URGCP: variants seen among roughly 807,000 people sequenced by gnomAD.
URGCP encodes upregulator of cell proliferation, also known as up-regulator of cell proliferation.
Under a neutral mutation model 24.6 loss-of-function variants are expected in URGCP, and 13 were observed. That is an observed-to-expected ratio of 0.53 (90% CI 0.34 to 0.84). The LOEUF is 0.84. Ranked by LOEUF, URGCP falls within the 40% of genes least tolerant of loss-of-function variation. URGCP has a pLI of 0.01. For synonymous variants in URGCP, 444 were observed against 487.2 expected, an observed-to-expected ratio of 0.91 and a Z score of 1.17; for missense variants, 899 against 1,194.3, an observed-to-expected ratio of 0.75 and a Z score of 3.64.
chr7:43,919,038 C>G (rs1463695908), intron 1 of URGCP: 1 of 1,094,066 alleles, frequency 9.1e-7, no homozygotes, highest in African/African-American at 1.5e-5. Flanking sequence ...GGAGAAGATC[C>G]ATGAGGACAT....
intron 1 of URGCP, among the ~76,000 whole-genome samples, chr7:43,922,365 C>A (rs955075018): frequency 1.3e-5 from 2 of 152,120 alleles, no homozygotes; most frequent in African/African-American, 4.8e-5. Flanking sequence ...CTTGGTATCA[C>A]TTAACTTTCT....
At chr7:43,910,186 G>GC (rs1168983186), upstream of URGCP, among the ~76,000 whole-genome samples, 10 of 152,180 alleles carry the variant, frequency 6.6e-5, no homozygotes, top group Middle Eastern at 3.4e-3. Flanking sequence ...ACCAGCCTGG[G>GC]CAACATGGTG....
At chr7:43,895,979 A>G (rs951974755) in intron 1 of URGCP, among the ~76,000 whole-genome samples, 6 of 152,254 alleles carry the variant, frequency 3.9e-5, no homozygotes, top group African/African-American at 1.4e-4. Flanking sequence ...TGTGGTATAC[A>G]TGTATAGGAA....
At position 43,878,084 on chromosome 7, in the gene URGCP, A is replaced by G. The variant is rs1157001915; in HGVS notation, c.1379T>C (p.Leu460Pro). The G allele has an allele frequency of 6.2e-7, 1 of 1,614,060 alleles. No homozygotes were observed. The highest frequency in any genetic ancestry group is 8.5e-7 in the Non-Finnish European group (1 of 1,180,044). Reference protein sequence around the residue: ...DMAHAARKLGLKVDEDCEECQ... With the variant: ...DMAHAARKLGPKVDEDCEECQ... Reference sequence around the variant, plus strand: ...CTCCTCACAGTCCTCGTCGACCTTTAGGCCCAGTTTGCGGGCTGCGTGCGC... The same window carrying G: ...CTCCTCACAGTCCTCGTCGACCTTTGGGCCCAGTTTGCGGGCTGCGTGCGC... Residue 460 changes from leucine to proline, a missense_variant, in exon 6 of 6, where the codon CTA becomes CCA. Transcript: ENST00000453200. The surrounding 1 kb of genome is among the most constrained non-coding windows in gnomAD (Gnocchi z 5.6).
At chr7:43,907,521 T>C (rs1245686901), upstream of URGCP, among the ~76,000 whole-genome samples, 1 of 136,690 alleles carries the variant, frequency 7.3e-6, no homozygotes, top group Non-Finnish European at 1.5e-5. Context: ...AAGTAAAATA[T>C]CATTAACAAC....
In URGCP at chr7:43,919,344, C is replaced by T. The variant is rs2095919348; in HGVS notation, c.-116+6788G>A. On this transcript the variant is annotated intron_variant, in intron 1 of 5. Transcript: ENST00000426198. ...AGCCCTGAACCAGATTGCCACAGAC[C>T]AGATCCTGCACATCCAGAACCCATC... 3.6e-6 allele frequency: 3 copies of T among 843,264 alleles called. No homozygotes were observed. In the African/African-American group the frequency reaches 5.0e-5, roughly 14 times the overall value. The allele number at this position is 843,264 out of a possible 1,614,324, so 52.2% of individuals were successfully genotyped here.
rs536881309 is a variant in URGCP at position 43,912,942 on chromosome 7, C to A, written c.-116+13190G>T. ...CTCAGCTCACTGCAACCTCCACCTC[C>A]CGGGTTCAAGAGATTCTCCTGCCTC... On this transcript the variant is annotated intron_variant, in intron 1 of 5. Transcript: ENST00000426198. Among the ~76,000 whole-genome samples, 19 of 152,238 alleles carry A rather than the reference C, an allele frequency of 1.2e-4. No individual in the cohort carries two copies. In the South Asian group the frequency reaches 3.7e-3, roughly 30 times the overall value.
intron 5 of URGCP, 68 bp from the exon 6 acceptor site, chr7:43,879,328 G>A: frequency 6.6e-7 from 1 of 1,511,400 alleles, no homozygotes; most frequent in Non-Finnish European, 8.8e-7. Flanking sequence ...GGAAGAGCTG[G>A]TGAAGGAGAG....
Position 43,876,560 on chromosome 7 carries a change from G to T in URGCP, c.*107C>A. On this transcript the variant is annotated 3_prime_UTR_variant, in exon 6 of 6. Coordinates refer to ENST00000453200, the MANE Select transcript of URGCP (RefSeq NM_001077663.3). Reference sequence around the variant, plus strand: ...TTTTCCTCGTCTTCTCATGTCGATTGGGCACCAGCCATTCTCAGGCACCAG... The same window carrying T: ...TTTTCCTCGTCTTCTCATGTCGATTTGGCACCAGCCATTCTCAGGCACCAG... 2.4e-6 allele frequency: 3 copies of T among 1,237,558 alleles called. No homozygotes were observed. Among genetic ancestry groups the T allele is most frequent in the Non-Finnish European group, 3.4e-6 (3 of 882,868 alleles). 76.7% of individuals were successfully genotyped at this position (1,237,558 alleles called of 1,614,324 possible). A position where few individuals can be genotyped will look rare whatever the true frequency, so the allele number is the denominator to read the frequency against.
At chr7:43,904,558 C>T (rs1351883329) in intron 1 of URGCP, among the ~76,000 whole-genome samples, 3 of 152,206 alleles carry the variant, frequency 2.0e-5, no homozygotes, top group Admixed American at 6.5e-5. Context: ...TCAGAAAGCA[C>T]TGTCTTCCTA....
intron 3 of URGCP, 72 bp from the exon 4 acceptor site, chr7:43,882,029 G>C: frequency 1.2e-6 from 2 of 1,607,146 alleles, no homozygotes; most frequent in South Asian, 2.2e-5. Context: ...AAAATTTCAA[G>C]TGCTCATGCC....
chr7:43,879,211 C>T lies in URGCP; in HGVS notation c.252G>A (p.Thr84=), dbSNP rs749589678. Residue 84 remains threonine, a synonymous_variant, in exon 6 of 6, where the codon ACG becomes ACA. Coordinates refer to ENST00000453200, the MANE Select transcript of URGCP (RefSeq NM_001077663.3). The part of the protein sequence containing the change: ...QEMLSLLGLE[T]YQVQKLSLQD... ...GGAGGCTGAGTTTCTGGACCTGGTA[C>T]GTCTCTAGGCCCAAAAGTGACAGCA... 8.7e-6 allele frequency: 14 copies of T among 1,613,342 alleles called. No homozygotes were observed. Among genetic ancestry groups the T allele is most frequent in the Non-Finnish European group, 1.1e-5 (13 of 1,179,984 alleles).
intron 1 of URGCP, among the ~76,000 whole-genome samples, chr7:43,894,956 G>C (rs1024196801): frequency 6.6e-6 from 1 of 151,990 alleles, no homozygotes; most frequent in Admixed American, 6.6e-5. Context: ...GCTTGAGGCC[G>C]GGAGGTTGAA....
At chr7:43,907,038 T>C (rs1336764738), upstream of URGCP, 2 of 152,412 alleles carry the variant, frequency 1.3e-5, no homozygotes, top group African/African-American at 4.8e-5. Context: ...GACGAGTTGC[T>C]GGCCTCTCTG....
intron 5 of URGCP, chr7:43,881,321 C>T: frequency 1.5e-6 from 1 of 679,642 alleles, no homozygotes; most frequent in Non-Finnish European, 2.6e-6. Context: ...CCAAACCGGG[C>T]TGTACATTAG....
upstream of URGCP, among the ~76,000 whole-genome samples, chr7:43,910,538 T>C (rs185579812): frequency 1.8e-4 from 27 of 152,028 alleles, no homozygotes; most frequent in East Asian, 4.3e-3. Context: ...CCCATCTTTT[T>C]ATTAAAAATT....
intron 1 of URGCP, among the ~76,000 whole-genome samples, chr7:43,923,033 G>C (rs1347034081): frequency 6.6e-6 from 1 of 151,256 alleles, no homozygotes; most frequent in Admixed American, 6.6e-5. Flanking sequence ...CAGGCTGCTG[G>C]AGTGCAGTGG....
chr7:43,919,626 G>A, intron 1 of URGCP: 1 of 1,387,914 alleles, frequency 7.2e-7, no homozygotes, highest in South Asian at 1.2e-5. Flanking sequence ...CACAGGCCGA[G>A]ACCGCCAGAC....
In URGCP at chr7:43,878,926, C is replaced by T. The variant is rs775100634; in HGVS notation, c.537G>A (p.Thr179=). 28 of 1,614,194 alleles carry T rather than the reference C, an allele frequency of 1.7e-5. No individual in the cohort carries two copies. The East Asian group carries it at 3.1e-4, about 18-fold the overall frequency. The stretch of plus-strand genomic sequence containing the variant: ...AGAGAAGGTCTAAGGGGTTCACTGG[C>T]GTATCAGGGGTGGGCAGCTCAGAAA... ...YSFSELPTPD[T]PVNPLDLLCA... Residue 179 remains threonine (T), a synonymous_variant, in exon 6 of 6, where the codon ACG becomes ACA. Coordinates refer to ENST00000453200, the MANE Select transcript of URGCP (RefSeq NM_001077663.3). The surrounding 1 kb of genome is among the most constrained non-coding windows in gnomAD (Gnocchi z 5.6).
Sources: allele counts gnomAD v4.1 joint callset (sites outside exome capture counted in the v4.1 genomes callset), GRCh38; gene constraint gnomAD v4.1.1; non-coding constraint Gnocchi (gnomAD v3.1); transcripts MANE v1.5; gene names NCBI Gene and HGNC (gene_info 2026-07-23, HGNC 2026-07-21).